C10orf67: variants seen among roughly 807,000 people sequenced by gnomAD.
C10orf67 encodes the protein chromosome 10 open reading frame 67, also known as uncharacterized protein C10orf67, mitochondrial.
Under a neutral mutation model 35.6 loss-of-function variants are expected in C10orf67, and 60 were observed. The ratio of observed to expected loss-of-function variants is 1.68; its 90% CI spans 1.37 to 2.09. The LOEUF is 2.09. Among genes scored for constraint, C10orf67 ranks in the 30% most tolerant of loss-of-function variants. The pLI, the probability that C10orf67 is intolerant of heterozygous loss-of-function variation, is 0.00. For synonymous variants in C10orf67, 167 were observed against 115.8 expected, an observed-to-expected ratio of 1.44 and a Z score of -2.84; for missense variants, 474 against 330.2, an observed-to-expected ratio of 1.44 and a Z score of -3.38.
chr10:23,238,764 G>A (rs151196191), intron 13 of C10orf67, among the ~76,000 whole-genome samples: 2 of 151,926 alleles, frequency 1.3e-5, no homozygotes, highest in Non-Finnish European at 2.9e-5. Flanking sequence ...GTGAGATGAG[G>A]AAAAACCAAG....
intron 13 of C10orf67, among the ~76,000 whole-genome samples, chr10:23,237,094 C>T (rs1336213528): frequency 6.6e-6 from 1 of 152,080 alleles, no homozygotes; most frequent in African/African-American, 2.4e-5. Context: ...TCCATGTGTA[C>T]TCAATGTTTA....
chr10:23,331,230 GAGGGA>G (rs1308249134), intron 2 of C10orf67, among the ~76,000 whole-genome samples: 1 of 18,946 alleles, frequency 5.3e-5, no homozygotes, highest in Non-Finnish European at 8.1e-5. Flanking sequence ...GGGAAGGGAG[GAGGGA>G]AGGGAAGGGA....
chr10:23,270,809 G>T (rs1336149064), intron 8 of C10orf67, among the ~76,000 whole-genome samples: 1 of 152,246 alleles, frequency 6.6e-6, no homozygotes, highest in African/African-American at 2.4e-5. Context: ...CAGCACAGCT[G>T]CTGTGCAGAA....
chr10:23,229,497 G>A (rs1335364046), intron 13 of C10orf67, among the ~76,000 whole-genome samples: 5 of 151,744 alleles, frequency 3.3e-5, no homozygotes, highest in African/African-American at 1.2e-4. Context: ...ATGAGTTAAC[G>A]GGTGCAGCAC....
chr10:23,211,244 T>C (rs765491087), intron 15 of C10orf67, among the ~76,000 whole-genome samples: 10 of 152,164 alleles, frequency 6.6e-5, no homozygotes, highest in Non-Finnish European at 1.5e-4. Context: ...TGGCTTGTGG[T>C]TGCATCACTC....
At chr10:23,279,622 G>A (rs1843306491) in intron 8 of C10orf67, among the ~76,000 whole-genome samples, 1 of 152,144 alleles carries the variant, frequency 6.6e-6, no homozygotes, top group Non-Finnish European at 1.5e-5. Context: ...AAGAGAAAGA[G>A]TTCAATCATG....
intron 10 of C10orf67, among the ~76,000 whole-genome samples, chr10:23,251,880 AAG>A (rs1261216476): frequency 6.6e-6 from 1 of 152,228 alleles, no homozygotes; most frequent in Non-Finnish European, 1.5e-5. Flanking sequence ...AGCTTTGAGA[AAG>A]AGAACTGAGA....
At chr10:23,282,330 C>T (rs920073726) in intron 7 of C10orf67, among the ~76,000 whole-genome samples, 3 of 152,332 alleles carry the variant, frequency 2.0e-5, no homozygotes, top group African/African-American at 4.8e-5. Context: ...AATGTAACAT[C>T]ACAATAAAGC....
chr10:23,255,143 C>G (rs1181015372), intron 10 of C10orf67, among the ~76,000 whole-genome samples: 2 of 152,140 alleles, frequency 1.3e-5, no homozygotes, highest in Non-Finnish European at 2.9e-5. Context: ...AAGGACCAAC[C>G]TCATGCACCT....
intron 3 of C10orf67, among the ~76,000 whole-genome samples, chr10:23,321,924 A>G (rs1844971187): frequency 6.6e-6 from 1 of 152,080 alleles, no homozygotes; most frequent in Admixed American, 6.6e-5. Context: ...GTAGCTGAGG[A>G]CTACAGGCCT....
At chr10:23,287,587 A>G (rs1843585138) in intron 7 of C10orf67, among the ~76,000 whole-genome samples, 1 of 152,214 alleles carries the variant, frequency 6.6e-6, no homozygotes, top group Non-Finnish European at 1.5e-5. Flanking sequence ...TGACAAAAAC[A>G]CCAAAAGCAA....
chr10:23,257,681 T>C (rs1174369643), intron 10 of C10orf67, among the ~76,000 whole-genome samples: 3 of 152,084 alleles, frequency 2.0e-5, no homozygotes, highest in Non-Finnish European at 2.9e-5. Flanking sequence ...CATGTGCCTG[T>C]AGTCTCAGCT....
intron 5 of C10orf67, among the ~76,000 whole-genome samples, chr10:23,291,708 G>A (rs1843724701): frequency 6.6e-6 from 1 of 152,116 alleles, no homozygotes; most frequent in South Asian, 2.1e-4. Context: ...AAGGAGGGGG[G>A]CTTGTTGCCT....
chr10:23,215,352 G>C lies in C10orf67; in HGVS notation c.1570+8246C>G, dbSNP rs1000698241. Among the ~76,000 whole-genome samples, 13 of 151,130 alleles carry C rather than the reference G, an allele frequency of 8.6e-5. 1 individual carries two copies. Among genetic ancestry groups the C allele is most frequent in the Non-Finnish European group, 4.4e-5 (3 of 67,854 alleles). On this transcript the variant is annotated intron_variant, in intron 15 of 15. Transcript: ENST00000636213. ...TCTTTTGCCCAGGCTGGAGTGCAGT[G>C]GCATGATCTTGGCTCACTGCAACCT...
intron 15 of C10orf67, among the ~76,000 whole-genome samples, chr10:23,222,177 G>A (rs1381655568): frequency 6.6e-6 from 1 of 152,098 alleles, no homozygotes; most frequent in African/African-American, 2.4e-5. Context: ...GCATTTTCAG[G>A]GCTTAGAAAA....
chr10:23,312,350 A>G (rs1001573111), intron 4 of C10orf67, among the ~76,000 whole-genome samples: 4 of 152,202 alleles, frequency 2.6e-5, no homozygotes, highest in Admixed American at 2.0e-4. Flanking sequence ...GCCAAGTGGA[A>G]TGAAGGAAGC....
intron 7 of C10orf67, among the ~76,000 whole-genome samples, chr10:23,288,616 TA>T (rs1436629602): frequency 6.6e-6 from 1 of 152,090 alleles, no homozygotes; most frequent in African/African-American, 2.4e-5. Context: ...AAAACATTTT[TA>T]AAAATTAAAA....
intron 12 of C10orf67, among the ~76,000 whole-genome samples, chr10:23,248,641 T>C (rs1388153456): frequency 6.6e-6 from 1 of 152,202 alleles, no homozygotes; most frequent in Admixed American, 6.5e-5. Context: ...TGTTAGCCCA[T>C]GTAAGTCTGT....
rs539290718 is a variant in C10orf67, at chr10:23,311,976, C to T, written c.547-8517G>A. On this transcript the variant is annotated intron_variant, in intron 4 of 15. Coordinates refer to ENST00000636213, the MANE Select transcript of C10orf67 (RefSeq NM_001371909.1). ...GCAAGTCAATTGCTTACTTCAAAGG[C>T]GATATATCAACCTTTTTAGATAATG... Among the ~76,000 whole-genome samples the T allele has an allele frequency of 3.3e-5, 5 of 152,020 alleles. No homozygotes were observed. In the South Asian group the frequency reaches 6.2e-4, roughly 19 times the overall value.
Sources: gnomAD v4.1 joint callset for allele counts (sites outside exome capture counted in the v4.1 genomes callset) on GRCh38, gnomAD v4.1.1 for gene constraint, MANE v1.5 for transcripts, NCBI Gene and HGNC (gene_info 2026-07-23, HGNC 2026-07-21) for gene names.